B3GNT4: variants seen among roughly 807,000 people sequenced by gnomAD.
The protein encoded by B3GNT4 is UDP-GlcNAc:betaGal beta-1,3-N-acetylglucosaminyltransferase 4.
Under a neutral mutation model 2.7 loss-of-function variants are expected in B3GNT4, and 2 were observed. That is an observed-to-expected ratio of 0.73 (90% confidence interval 0.30 to 2.31). The LOEUF (loss-of-function observed/expected upper bound fraction) is 2.31. B3GNT4 is among the 30% of genes most tolerant of loss of function. B3GNT4 has a pLI of 0.12. For missense variants in B3GNT4, 708 were observed against 490.9 expected (o/e 1.44, Z -4.18); for synonymous variants, 280 against 203.4 (o/e 1.38, Z -3.20).
Position 122,207,457 on chromosome 12 carries a change from C to T in B3GNT4, c.*69C>T, listed in dbSNP as rs1566018238. On this transcript the variant is annotated 3_prime_UTR_variant, in exon 3 of 3. Transcript: ENST00000324189. ...TCTCTATCGTGATGCGAAATTGATG[C>T]CTGCTGCTCTACAGAAAATGCCAAC... The T allele has an allele frequency of 1.5e-6, 2 of 1,374,442 alleles. No homozygotes were observed. The highest frequency in any genetic ancestry group is 1.9e-6 in the Non-Finnish European group (2 of 1,033,492). The allele number at this position is 1,374,442 out of a possible 1,614,324, so 85.1% of individuals were successfully genotyped here. A position where few individuals can be genotyped will look rare whatever the true frequency, so the allele number is the denominator to read the frequency against.
Position 122,207,831 on chromosome 12 carries a change from TTC to T in B3GNT4, c.*447_*448del. ...GCACCAGGTAAACACTCTGCACCCC[TTC>T]TCTTAGTAGTAATAGGTTTTTCACT... On this transcript the variant is annotated 3_prime_UTR_variant, in exon 3 of 3. Coordinates refer to ENST00000324189, the MANE Select transcript of B3GNT4 (RefSeq NM_030765.4). The T allele has an allele frequency of 2.2e-6, 1 of 462,136 alleles. No homozygotes were observed. The highest frequency in any genetic ancestry group is 1.5e-5 in the South Asian group (1 of 64,550). The allele number at this position is 462,136 out of a possible 1,614,324, so 28.6% of individuals were successfully genotyped here.
chr12:122,208,216 A>AC lies in B3GNT4; in HGVS notation c.*830dup, dbSNP rs2136078566. The stretch of plus-strand genomic sequence containing the variant: ...GAACCAGGTCCAGCGCAAGCCTGAG[A>AC]CCACAGGAGGCACTCACAGCTCACA... On this transcript the variant is annotated 3_prime_UTR_variant, in exon 3 of 3. Transcript: ENST00000324189. The AC allele has an allele frequency of 1.2e-6, 1 of 801,572 alleles. No individual in the cohort carries two copies. Among genetic ancestry groups the AC allele is most frequent in the East Asian group, 2.7e-5 (1 of 37,660 alleles). 49.7% of individuals were successfully genotyped at this position (801,572 alleles called of 1,614,324 possible).
chr12:122,204,829 C>T, intron 2 of B3GNT4, 145 bp downstream of exon 2: 3 of 659,632 alleles, frequency 4.5e-6, no homozygotes, highest in Non-Finnish European at 7.8e-6. Context: ...CGCTTGAGGC[C>T]AGGAGTTCCA....
chr12:122,206,660 A>G lies in B3GNT4; in HGVS notation c.409A>G (p.Ile137Val), dbSNP rs1454555856. Residue 137 changes from isoleucine (I) to valine (V), a missense_variant, in exon 3 of 3, where the codon ATC becomes GTC. Ile to Val is a conservative substitution (Grantham distance 29). Coordinates refer to ENST00000324189, the MANE Select transcript of B3GNT4 (RefSeq NM_030765.4). Reference sequence around the variant, plus strand: ...TGGTCACGTGGAGCGACGTGCGGCTATCCGCAGCACGTGGGGCAGGGTGGG... The same window carrying G: ...TGGTCACGTGGAGCGACGTGCGGCTGTCCGCAGCACGTGGGGCAGGGTGGG... ...QPGHVERRAA[I>V]RSTWGRVGGW... The G allele has an allele frequency of 6.2e-6, 10 of 1,613,502 alleles. No individual in the cohort carries two copies. The highest frequency in any genetic ancestry group is 4.4e-5 in the South Asian group (4 of 91,086).
At position 122,206,620 on chromosome 12, in the gene B3GNT4, C is replaced by T. The variant is rs901165660; in HGVS notation, c.369C>T (p.Ala123=). Residue 123 remains alanine, a synonymous_variant, in exon 3 of 3, where the codon GCC becomes GCT. Coordinates refer to ENST00000324189, the MANE Select transcript of B3GNT4 (RefSeq NM_030765.4). ...CCAAGGATACCTTCTTGCTCCTGGC[C>T]ATCAAGTCACAGCCTGGTCACGTGG... The part of the protein sequence containing the change: ...GCSKDTFLLL[A]IKSQPGHVER... 9.3e-6 allele frequency: 15 copies of T among 1,613,970 alleles called. No individual in the cohort carries two copies. Among genetic ancestry groups the T allele is most frequent in the East Asian group, 2.2e-5 (1 of 44,874 alleles).
At position 122,208,616 on chromosome 12, in the gene B3GNT4, A is replaced by G. The variant is rs781561232; in HGVS notation, c.*1228A>G. On this transcript the variant is annotated 3_prime_UTR_variant, in exon 3 of 3. Coordinates refer to ENST00000324189, the MANE Select transcript of B3GNT4 (RefSeq NM_030765.4). ...GGACAATCGGGTTGAGCAGCCGTGC[A>G]GGGCGCGGAAGGCTCATGTGGACGT... is the stretch of plus-strand genomic sequence containing the variant. 26 of 1,596,634 alleles carry G rather than the reference A, an allele frequency of 1.6e-5. 1 individual carries two copies. The Middle Eastern group carries it at 1.7e-3, about 102-fold the overall frequency.
In B3GNT4 at chr12:122,207,996, C is replaced by G. The variant is rs116523967; in HGVS notation, c.*608C>G. 1.0e-5 allele frequency: 5 copies of G among 478,310 alleles called. No individual in the cohort carries two copies. Among genetic ancestry groups the G allele is most frequent in the Non-Finnish European group, 2.1e-5 (5 of 243,712 alleles). 29.6% of individuals were successfully genotyped at this position (478,310 alleles called of 1,614,324 possible). A position where few individuals can be genotyped will look rare whatever the true frequency, so the allele number is the denominator to read the frequency against. On this transcript the variant is annotated 3_prime_UTR_variant, in exon 3 of 3. Transcript: ENST00000324189. ...GGCATCCCAACAGAGGGAACAAGTA[C>G]TAAATCATTTTTGACGACGTAAATA...
In B3GNT4 at chr12:122,208,420, C is replaced by CCGCTCCTCCCCTTCCT. The variant is rs749658125; in HGVS notation, c.*1034_*1049dup. The CCGCTCCTCCCCTTCCT allele has an allele frequency of 6.2e-7, 1 of 1,613,484 alleles. No homozygotes were observed. The highest frequency in any genetic ancestry group is 1.7e-5 in the Admixed American group (1 of 60,024). On this transcript the variant is annotated 3_prime_UTR_variant, in exon 3 of 3. Transcript: ENST00000324189. ...GGTAGGCCTCCTGCTCCGACTCAGC[C>CCGCTCCTCCCCTTCCT]CGCTCCTCCCCTTCCTCCTGTGTTT...
chr12:122,208,200 C>T lies in B3GNT4; in HGVS notation c.*812C>T, dbSNP rs774182436. 1.2e-5 allele frequency: 9 copies of T among 745,784 alleles called. No homozygotes were observed. The East Asian group carries it at 2.1e-4, about 18-fold the overall frequency. The allele number at this position is 745,784 out of a possible 1,614,324, so 46.2% of individuals were successfully genotyped here. On this transcript the variant is annotated 3_prime_UTR_variant, in exon 3 of 3. Transcript: ENST00000324189. ...AGTGCCCAAGGGCTAAGAACCAGGT[C>T]CAGCGCAAGCCTGAGACCACAGGAG...
At position 122,208,205 on chromosome 12, in the gene B3GNT4, G is replaced by A. The variant is rs771742113; in HGVS notation, c.*817G>A. Reference sequence around the variant, plus strand: ...CCAAGGGCTAAGAACCAGGTCCAGCGCAAGCCTGAGACCACAGGAGGCACT... The same window carrying A: ...CCAAGGGCTAAGAACCAGGTCCAGCACAAGCCTGAGACCACAGGAGGCACT... On this transcript the variant is annotated 3_prime_UTR_variant, in exon 3 of 3. Transcript: ENST00000324189. 2.4e-5 allele frequency: 18 copies of A among 762,140 alleles called. No homozygotes were observed. Among genetic ancestry groups the A allele is most frequent in the South Asian group, 1.2e-4 (8 of 68,174 alleles). 47.2% of individuals were successfully genotyped at this position (762,140 alleles called of 1,614,324 possible).
In B3GNT4 at chr12:122,206,657, G is replaced by A. The variant is rs1360107378; in HGVS notation, c.406G>A (p.Ala136Thr). Residue 136 changes from alanine to threonine, a missense_variant, in exon 3 of 3, where the codon GCT (alanine) becomes ACT (threonine). Transcript: ENST00000324189. ...SQPGHVERRA[A>T]IRSTWGRVGG... ...GCCTGGTCACGTGGAGCGACGTGCG[G>A]CTATCCGCAGCACGTGGGGCAGGGT... The A allele has an allele frequency of 1.5e-5, 25 of 1,613,590 alleles. No individual in the cohort carries two copies. The highest frequency in any genetic ancestry group is 1.9e-5 in the Non-Finnish European group (22 of 1,179,958).
Position 122,204,644 on chromosome 12 carries a change from C to A in B3GNT4, c.26C>A (p.Ala9Asp). 1 of 1,611,964 alleles carries A rather than the reference C, an allele frequency of 6.2e-7. No homozygotes were observed. Among genetic ancestry groups the A allele is most frequent in the African/African-American group, 1.3e-5 (1 of 75,024 alleles). Residue 9 changes from alanine (A) to aspartate (D), a missense_variant, in exon 2 of 3, where the codon GCC becomes GAC. Ala to Asp is a moderately radical substitution (Grantham distance 126, BLOSUM62 -2). Coordinates refer to ENST00000324189, the MANE Select transcript of B3GNT4 (RefSeq NM_030765.4). Reference protein sequence around the residue: MLPPQPSAAHQGRGGRSGL... With the variant: MLPPQPSADHQGRGGRSGL... ...ATGCTTCCTCCCCAGCCTTCCGCAG[C>A]CCACCAGGGAAGGGGCGGTAGGAGT...
In B3GNT4 at chr12:122,207,347, G is replaced by A. The variant is rs1953945064; in HGVS notation, c.1096G>A (p.Glu366Lys). The A allele has an allele frequency of 2.5e-6, 4 of 1,602,090 alleles. No homozygotes were observed. The highest frequency in any genetic ancestry group is 3.4e-6 in the Non-Finnish European group (4 of 1,173,386). ...MWTMWALVTDEGLKCAAGPIP... is the reference protein window; with the variant it reads ...MWTMWALVTDKGLKCAAGPIP... Reference sequence around the variant, plus strand: ...GACCATGTGGGCACTGGTGACAGATGAGGGGCTCAAGTGTGCAGCTGGCCC... The same window carrying A: ...GACCATGTGGGCACTGGTGACAGATAAGGGGCTCAAGTGTGCAGCTGGCCC... Residue 366 changes from glutamate to lysine, a missense_variant, in exon 3 of 3, where the codon GAG becomes AAG. Physicochemically the swap from Glu to Lys is moderately conservative, Grantham distance 56. Transcript: ENST00000324189.
In B3GNT4 at chr12:122,208,287, T is replaced by A. The variant is rs1198185973; in HGVS notation, c.*899T>A. On this transcript the variant is annotated 3_prime_UTR_variant, in exon 3 of 3. Coordinates refer to ENST00000324189, the MANE Select transcript of B3GNT4 (RefSeq NM_030765.4). ...CCAGGGCAGGATCTGCCGCCTCTTC[T>A]CGGTGCACAGACAGTCATGCCAACC... is the stretch of plus-strand genomic sequence containing the variant. The A allele has an allele frequency of 6.8e-7, 1 of 1,468,000 alleles. No individual in the cohort carries two copies. Among genetic ancestry groups the A allele is most frequent in the Non-Finnish European group, 9.4e-7 (1 of 1,061,468 alleles). The allele number at this position is 1,468,000 out of a possible 1,614,324, so 90.9% of individuals were successfully genotyped here.
Position 122,207,471 on chromosome 12 carries a change from G to GA in B3GNT4, c.*87dup. The GA allele has an allele frequency of 7.6e-7, 1 of 1,317,064 alleles. No individual in the cohort carries two copies. The allele number at this position is 1,317,064 out of a possible 1,614,324, so 81.6% of individuals were successfully genotyped here. A position where few individuals can be genotyped will look rare whatever the true frequency, so the allele number is the denominator to read the frequency against. ...CGAAATTGATGCCTGCTGCTCTACAGAAAATGCCAACTTGGTTTTTTAACT... is the reference window on the plus strand; with the variant it reads ...CGAAATTGATGCCTGCTGCTCTACAGAAAAATGCCAACTTGGTTTTTTAACT... On this transcript the variant is annotated 3_prime_UTR_variant, in exon 3 of 3. Coordinates refer to ENST00000324189, the MANE Select transcript of B3GNT4 (RefSeq NM_030765.4).
Position 122,207,627 on chromosome 12 carries a change from C to T in B3GNT4, c.*239C>T, listed in dbSNP as rs774040400. 2.1e-5 allele frequency: 13 copies of T among 629,974 alleles called. No homozygotes were observed. The highest frequency in any genetic ancestry group is 3.4e-5 in the Non-Finnish European group (12 of 351,714). 39.0% of individuals were successfully genotyped at this position (629,974 alleles called of 1,614,324 possible). ...GGGGCATTCCGGGCGCTGCCTGGGG[C>T]GCTGCAGTCTGGGACCTCAAGGAAG... On this transcript the variant is annotated 3_prime_UTR_variant, in exon 3 of 3. Coordinates refer to ENST00000324189, the MANE Select transcript of B3GNT4 (RefSeq NM_030765.4).
In B3GNT4 at chr12:122,208,793, T is replaced by TGTCA. The variant is rs1339489193; in HGVS notation, c.*1407_*1410dup. 3.0e-6 allele frequency: 2 copies of TGTCA among 662,228 alleles called. No individual in the cohort carries two copies. The highest frequency in any genetic ancestry group is 5.6e-6 in the Non-Finnish European group (2 of 359,730). 41.0% of individuals were successfully genotyped at this position (662,228 alleles called of 1,614,324 possible). ...GTCAAAAACAGCATTTTTCTTCAGC[T>TGTCA]GTCAGCGGCCAACATCACAATTATT... On this transcript the variant is annotated 3_prime_UTR_variant, in exon 3 of 3. Transcript: ENST00000324189.
intron 2 of B3GNT4, chr12:122,205,088 C>T: frequency 5.6e-6 from 1 of 179,584 alleles, no homozygotes; most frequent in Non-Finnish European, 1.2e-5. Flanking sequence ...CTACTGTAAA[C>T]CTGCTGGGCC....
chr12:122,206,241 T>C, intron 2 of B3GNT4, 77 bp from the exon 3 acceptor site: 1 of 1,180,136 alleles, frequency 8.5e-7, no homozygotes, highest in Non-Finnish European at 1.2e-6. Context: ...GCGGCTGGGG[T>C]GCAGGTTAAC....
Sources: gnomAD v4.1 joint callset for allele counts on GRCh38, gnomAD v4.1.1 for gene constraint, MANE v1.5 for transcripts, NCBI Gene and HGNC (gene_info 2026-07-23, HGNC 2026-07-21) for gene names.